EYS: variants seen among roughly 807,000 people sequenced by gnomAD.
The protein encoded by EYS is protein eyes shut homolog.
Under a neutral mutation model 282.1 loss-of-function variants are expected in EYS, and 250 were observed. That is an observed-to-expected ratio of 0.89 (90% CI 0.80 to 0.98). The LOEUF (loss-of-function observed/expected upper bound fraction) is 0.98, where lower values mean the gene tolerates loss of function less well. Among genes scored for constraint, EYS ranks in the 50% least tolerant of loss-of-function variants. The probability of loss-of-function intolerance (pLI) is 0.00; values close to 1 mark genes in which losing one functional copy is unlikely to be tolerated. For synonymous variants in EYS, 1,355 were observed against 1,282.9 expected, an observed-to-expected ratio of 1.06 and a Z score of -1.20; for missense variants, 4,016 against 3,709.0, an observed-to-expected ratio of 1.08 and a Z score of -2.15.
In EYS at chr6:65,172,743, C is replaced by A. The variant is rs553627443; in HGVS notation, c.2024-115016G>T. 1.5e-4 allele frequency among the ~76,000 whole-genome samples: 23 copies of A among 151,352 alleles called. No homozygotes were observed. The South Asian group carries it at 4.4e-3, about 29-fold the overall frequency. On this transcript the variant is annotated intron_variant, in intron 12 of 42. Transcript: ENST00000503581. ...CTTGTTTAGGAAAAATGAGAGAACA[C>A]TTTGATAACATGGTCTTGAGAGGTC...
chr6:65,043,497 C>T (rs184861636), intron 13 of EYS, among the ~76,000 whole-genome samples: 130 of 151,404 alleles, frequency 8.6e-4, no homozygotes, highest in African/African-American at 3.0e-3. Flanking sequence ...AAATCTTATG[C>T]CTCTTTTTGA....
At chr6:65,060,448 A>C (rs934466910) in intron 12 of EYS, among the ~76,000 whole-genome samples, 6 of 151,956 alleles carry the variant, frequency 3.9e-5, no homozygotes, top group Non-Finnish European at 7.4e-5. Flanking sequence ...GAGAAATACA[A>C]ATTTAGAGGA....
At chr6:64,545,315 C>CA in intron 26 of EYS, among the ~76,000 whole-genome samples, 2 of 152,252 alleles carry the variant, frequency 1.3e-5, no homozygotes, top group African/African-American at 4.8e-5. Flanking sequence ...TGACAAAATT[C>CA]AACGACCCTT....
chr6:63,927,459 C>A (rs1171242997), intron 35 of EYS, among the ~76,000 whole-genome samples: 2 of 152,182 alleles, frequency 1.3e-5, no homozygotes, highest in Non-Finnish European at 2.9e-5. Flanking sequence ...AAGTCATGAT[C>A]ATAAAACAAT....
At chr6:64,769,178 T>A in intron 22 of EYS, among the ~76,000 whole-genome samples, 2 of 152,222 alleles carry the variant, frequency 1.3e-5, no homozygotes, top group South Asian at 4.1e-4. Context: ...CACTCTACTA[T>A]TACAGGCCTA....
intron 6 of EYS, among the ~76,000 whole-genome samples, chr6:65,403,941 C>T (rs925964856): frequency 1.3e-5 from 2 of 151,964 alleles, no homozygotes; most frequent in African/African-American, 4.8e-5. Context: ...TATATAACAA[C>T]TTTTTATTTA....
At chr6:65,382,554 A>T (rs1450888480) in intron 8 of EYS, among the ~76,000 whole-genome samples, 1 of 149,998 alleles carries the variant, frequency 6.7e-6, no homozygotes, top group Non-Finnish European at 1.5e-5. Flanking sequence ...CTCTAGGGGG[A>T]CAGAACTAAT....
intron 26 of EYS, among the ~76,000 whole-genome samples, chr6:64,589,190 T>C (rs1766322432): frequency 6.6e-6 from 1 of 152,084 alleles, no homozygotes; most frequent in African/African-American, 2.4e-5. Flanking sequence ...TTGTAATTAA[T>C]TTTATCATGG....
intron 30 of EYS, 21 bp from the exon 31 acceptor site, chr6:64,230,845 A>G (rs537200233): frequency 2.1e-6 from 3 of 1,422,694 alleles, no homozygotes; most frequent in African/African-American, 1.4e-5. Context: ...TAAACAGACA[A>G]GAAAACAAAA....
intron 22 of EYS, among the ~76,000 whole-genome samples, chr6:64,694,055 T>A (rs920040841): frequency 2.8e-4 from 42 of 152,118 alleles, no homozygotes; most frequent in African/African-American, 1.0e-3. Flanking sequence ...ACTGATATAA[T>A]CTTGTTTTGA....
intron 9 of EYS, among the ~76,000 whole-genome samples, chr6:65,346,611 TAGG>T (rs1562111757): frequency 6.6e-6 from 1 of 151,524 alleles, no homozygotes; most frequent in East Asian, 2.0e-4. Flanking sequence ...GGGATCAATT[TAGG>T]AGATGTGATA....
rs565682079 is a variant in EYS at position 65,693,820 on chromosome 6, C to G, written c.-448+13315G>C. Among the ~76,000 whole-genome samples the G allele has an allele frequency of 1.5e-4, 22 of 149,960 alleles. 2 individuals are homozygous for G. The highest frequency in any genetic ancestry group is 2.8e-4 in the Non-Finnish European group (19 of 67,614). On this transcript the variant is annotated intron_variant, in intron 1 of 42. Coordinates refer to ENST00000503581, the MANE Select transcript of EYS (RefSeq NM_001142800.2). Reference sequence around the variant, plus strand: ...TTGTGAAATAATGGCTCATAAGACACTGAGGAAATGGTCAATAGACAAATC... The same window carrying G: ...TTGTGAAATAATGGCTCATAAGACAGTGAGGAAATGGTCAATAGACAAATC...
chr6:64,343,718 G>A (rs192707254), intron 29 of EYS, among the ~76,000 whole-genome samples: 9 of 152,202 alleles, frequency 5.9e-5, no homozygotes, highest in African/African-American at 1.9e-4. Context: ...GAGCAGAACT[G>A]AAGGAAATAG....
chr6:64,659,183 C>A (rs1376142233), intron 22 of EYS, among the ~76,000 whole-genome samples: 1 of 151,940 alleles, frequency 6.6e-6, no homozygotes, highest in Non-Finnish European at 1.5e-5. Flanking sequence ...TTCTTTGAAA[C>A]CAATGAGAAC....
chr6:65,687,464 C>A (rs1457700550), intron 1 of EYS, among the ~76,000 whole-genome samples: 1 of 152,026 alleles, frequency 6.6e-6, no homozygotes, highest in African/African-American at 2.4e-5. Context: ...TACCACCTCA[C>A]TTTTCCAGCA....
intron 13 of EYS, among the ~76,000 whole-genome samples, chr6:65,020,059 T>G (rs1772201023): frequency 6.6e-6 from 1 of 152,152 alleles, no homozygotes; most frequent in Non-Finnish European, 1.5e-5. Context: ...ATGGGGATTA[T>G]GGGAACTACA....
At chr6:64,765,276 T>A (rs985035262) in intron 22 of EYS, among the ~76,000 whole-genome samples, 1 of 152,172 alleles carries the variant, frequency 6.6e-6, no homozygotes, top group Non-Finnish European at 1.5e-5. Flanking sequence ...CAGTTTCCAA[T>A]AAGTTCCTCA....
intron 31 of EYS, among the ~76,000 whole-genome samples, chr6:64,142,003 T>C (rs568694260): frequency 3.0e-3 from 453 of 152,182 alleles, no homozygotes; most frequent in Non-Finnish European, 4.4e-3. Context: ...ATATTCAGAT[T>C]TGAGCTGGAA....
intron 22 of EYS, among the ~76,000 whole-genome samples, chr6:64,773,205 C>T (rs532471025): frequency 9.9e-5 from 15 of 151,666 alleles, no homozygotes; most frequent in African/African-American, 3.6e-4. Context: ...AATGTTTAAT[C>T]CCCACTTATA....
Sources: allele counts gnomAD v4.1 joint callset (sites outside exome capture counted in the v4.1 genomes callset), GRCh38; gene constraint gnomAD v4.1.1; transcripts MANE v1.5; gene names NCBI Gene and HGNC (gene_info 2026-07-23, HGNC 2026-07-21).